The following NBEA variants were observed in gnomAD, a reference collection of about 807,000 sequenced individuals.
NBEA encodes lysosomal-trafficking regulator 2.
In NBEA, 44 loss-of-function variants were observed where a neutral mutation model predicts 343.4. The ratio of observed to expected loss-of-function variants is 0.13; its 90% CI spans 0.10 to 0.16. The LOEUF (loss-of-function observed/expected upper bound fraction) is 0.16. NBEA is among the 10% of genes least tolerant of loss of function. The pLI, the probability that NBEA is intolerant of heterozygous loss-of-function variation, is 1.00. For synonymous variants in NBEA, 1,175 were observed against 1,238.7 expected (o/e 0.95, Z 1.08); for missense variants, 2,555 against 3,631.3 (o/e 0.70, Z 7.62).
chr13:35,483,647 T>C (rs908165466), intron 41 of NBEA, among the ~76,000 whole-genome samples: 1 of 152,106 alleles, frequency 6.6e-6, no homozygotes, highest in African/African-American at 2.4e-5. Flanking sequence ...ATAGTACAAC[T>C]AGTCTTTTAT....
intron 46 of NBEA, among the ~76,000 whole-genome samples, chr13:35,589,976 C>T (rs780482591): frequency 1.5e-4 from 23 of 151,922 alleles, no homozygotes; most frequent in Admixed American, 2.6e-4. Flanking sequence ...CTGAAATTAC[C>T]GTTTAATATG....
intron 23 of NBEA, among the ~76,000 whole-genome samples, chr13:35,163,468 CCT>C (rs1194929154): frequency 1.3e-5 from 2 of 151,860 alleles, no homozygotes; most frequent in Non-Finnish European, 2.9e-5. Context: ...AGGGCAAGAC[CCT>C]GTTTTTACAA....
In NBEA at chr13:35,281,863, A is replaced by G. The variant is rs548785712; in HGVS notation, c.5777-8526A>G. On this transcript the variant is annotated intron_variant, in intron 34 of 58. Transcript: ENST00000379939. ...GAAACTGTATACAAATTGTTCGTGT[A>G]TACACACTATGCTTAAAAGGATTTA... is the stretch of plus-strand genomic sequence containing the variant. Among the ~76,000 whole-genome samples, 27 of 152,180 alleles carry G rather than the reference A, an allele frequency of 1.8e-4. 1 individual carries two copies. The South Asian group carries it at 5.0e-3, about 28-fold the overall frequency.
chr13:35,634,268 G>T (rs551012507), intron 49 of NBEA, among the ~76,000 whole-genome samples: 1 of 152,106 alleles, frequency 6.6e-6, no homozygotes, highest in Non-Finnish European at 1.5e-5. Context: ...GTGTGAACCC[G>T]GGAGGCGCAG....
At chr13:35,507,965 A>G (rs2077134325) in intron 41 of NBEA, among the ~76,000 whole-genome samples, 1 of 152,218 alleles carries the variant, frequency 6.6e-6, no homozygotes, top group Admixed American at 6.5e-5. Context: ...GCTGCTAGAT[A>G]GGTATCACCA....
At chr13:34,983,807 G>A (rs1488933693) in intron 1 of NBEA, among the ~76,000 whole-genome samples, 7 of 152,166 alleles carry the variant, frequency 4.6e-5, no homozygotes, top group African/African-American at 1.7e-4. Flanking sequence ...TCTGTTGGCT[G>A]CATAAATGTC....
At chr13:35,156,965 T>A in intron 20 of NBEA, 113 bp from the exon 21 acceptor site, 1 of 792,600 alleles carries the variant, frequency 1.3e-6, no homozygotes. Flanking sequence ...CTGTACACCT[T>A]GCTTTACTGA....
intron 38 of NBEA, among the ~76,000 whole-genome samples, chr13:35,424,482 T>C (rs550689578): frequency 9.9e-5 from 15 of 152,266 alleles, no homozygotes; most frequent in Non-Finnish European, 1.9e-4. Flanking sequence ...ACCAGCCTTC[T>C]ATCCCAGGGA....
At position 35,014,003 on chromosome 13, in the gene NBEA, G is replaced by C. The variant is rs181572638; in HGVS notation, c.295-26930G>C. 2.7e-3 allele frequency among the ~76,000 whole-genome samples: 413 copies of C among 152,060 alleles called. 3 individuals are homozygous for C. The highest frequency in any genetic ancestry group is 3.6e-3 in the Non-Finnish European group (246 of 67,988). On this transcript the variant is annotated intron_variant, in intron 1 of 58. Coordinates refer to ENST00000379939, the MANE Select transcript of NBEA (RefSeq NM_001385012.1). ...TCTCAACTGCATGAGTTAAATGCCTGACCCGTTTATTGTTATTATTTGCTG... is the reference window on the plus strand; with the variant it reads ...TCTCAACTGCATGAGTTAAATGCCTCACCCGTTTATTGTTATTATTTGCTG...
At chr13:35,412,491 A>G (rs968652009) in intron 38 of NBEA, among the ~76,000 whole-genome samples, 7 of 152,062 alleles carry the variant, frequency 4.6e-5, no homozygotes, top group Non-Finnish European at 1.5e-5. Flanking sequence ...AATTTTAACT[A>G]TAAGTTTGTT....
intron 40 of NBEA, among the ~76,000 whole-genome samples, 183 bp from the exon 41 acceptor site, chr13:35,472,217 G>C (rs933790454): frequency 1.3e-5 from 2 of 152,086 alleles, no homozygotes; most frequent in African/African-American, 4.8e-5. Context: ...CTCTAGTCTC[G>C]TTATAAGGTA....
chr13:35,146,143 C>A (rs2068407413), intron 18 of NBEA, among the ~76,000 whole-genome samples: 2 of 152,106 alleles, frequency 1.3e-5, no homozygotes, highest in African/African-American at 2.4e-5. Context: ...AAAAAACAAG[C>A]ATTGCCAATA....
intron 49 of NBEA, among the ~76,000 whole-genome samples, chr13:35,644,633 C>T (rs1261242567): frequency 1.3e-5 from 2 of 152,078 alleles, no homozygotes; most frequent in Non-Finnish European, 2.9e-5. Flanking sequence ...GTTAGAGAGA[C>T]GTTTAGCTGT....
intron 34 of NBEA, among the ~76,000 whole-genome samples, chr13:35,252,151 G>A (rs1046156282): frequency 2.0e-5 from 3 of 152,106 alleles, no homozygotes; most frequent in African/African-American, 4.8e-5. Flanking sequence ...AATGGCTGGG[G>A]AGGCCTCAGG....
chr13:35,479,487 T>A (rs2076032430), intron 41 of NBEA, among the ~76,000 whole-genome samples: 1 of 152,190 alleles, frequency 6.6e-6, no homozygotes, highest in Non-Finnish European at 1.5e-5. Context: ...CGAAATTTTT[T>A]TATGGAAATG....
intron 48 of NBEA, among the ~76,000 whole-genome samples, chr13:35,610,885 A>G (rs2082486774): frequency 1.3e-5 from 2 of 152,016 alleles, no homozygotes; most frequent in African/African-American, 4.8e-5. Flanking sequence ...TTTTTAAAGG[A>G]GGGGCAAAAG....
intron 44 of NBEA, among the ~76,000 whole-genome samples, chr13:35,562,530 G>A (rs2079906361): frequency 6.6e-6 from 1 of 151,802 alleles, no homozygotes; most frequent in African/African-American, 2.4e-5. Flanking sequence ...AATGAATTCA[G>A]CACAACTTCT....
chr13:34,976,647 G>GTTTTTT (rs1279170590), intron 1 of NBEA, among the ~76,000 whole-genome samples: 4 of 141,836 alleles, frequency 2.8e-5, no homozygotes, highest in African/African-American at 1.1e-4. Flanking sequence ...TTTTTTCTTT[G>GTTTTTT]TTTTTTGTTT....
intron 48 of NBEA, among the ~76,000 whole-genome samples, chr13:35,625,643 A>G (rs1243737935): frequency 6.6e-6 from 1 of 151,840 alleles, no homozygotes; most frequent in African/African-American, 2.4e-5. Flanking sequence ...TAATAATAAA[A>G]TTAAATATAT....
Sources: allele counts gnomAD v4.1 joint callset (sites outside exome capture counted in the v4.1 genomes callset), GRCh38; gene constraint gnomAD v4.1.1; transcripts MANE v1.5; gene names NCBI Gene and HGNC (gene_info 2026-07-23, HGNC 2026-07-21).